The following GSE1 variants were observed in gnomAD, a reference collection of about 807,000 sequenced individuals.
GSE1 encodes Gse1 coiled-coil protein.
A neutral mutation model predicts 112.6 loss-of-function variants in GSE1; 32 were observed. That is an observed-to-expected ratio of 0.28 (90% CI 0.21 to 0.38). The LOEUF is 0.38. Among genes scored for constraint, GSE1 ranks in the 10% least tolerant of loss-of-function variants. The pLI, the probability that GSE1 is intolerant of heterozygous loss-of-function variation, is 1.00. For missense variants in GSE1, 2,348 were observed against 1,699.2 expected (o/e 1.38, Z -6.71); for synonymous variants, 1,115 against 735.6 (o/e 1.52, Z -8.35).
intron 15 of GSE1, among the ~76,000 whole-genome samples, chr16:85,671,388 C>A (rs547844378): frequency 1.4e-5 from 2 of 142,244 alleles, no homozygotes; most frequent in African/African-American, 2.7e-5. Flanking sequence ...TGCAGTGAGC[C>A]GAGATTGCGC....
intron 1 of GSE1, 40 bp from the exon 2 acceptor site, chr16:85,633,874 G>C (rs376208046): frequency 6.5e-7 from 1 of 1,538,968 alleles, no homozygotes; most frequent in Non-Finnish European, 8.9e-7. Context: ...GGGCGCTCCT[G>C]CTCTCTGGGT....
chr16:85,386,051 G>A (rs1229379457), intron 2 of GSE1, among the ~76,000 whole-genome samples: 15 of 152,240 alleles, frequency 9.9e-5, no homozygotes, highest in African/African-American at 3.6e-4. Context: ...CCGTGGCCAT[G>A]GGATAGCGGC....
chr16:85,570,224 G>A (rs957539516), intron 1 of GSE1, among the ~76,000 whole-genome samples: 8 of 152,158 alleles, frequency 5.3e-5, no homozygotes, highest in African/African-American at 1.9e-4. Flanking sequence ...CTTGGTCAGT[G>A]TCCATCTTCA....
intron 1 of GSE1, among the ~76,000 whole-genome samples, chr16:85,253,069 ACCC>A (rs56691935): frequency 1.7e-3 from 98 of 57,842 alleles, no homozygotes; most frequent in Middle Eastern, 0.013. Context: ...CCCCCCCCCC[ACCC>A]CCCCCCCCCC....
chr16:85,597,373 C>CAAAAAAAAAAAA (rs1165062872), intron 1 of GSE1, among the ~76,000 whole-genome samples: 3 of 31,846 alleles, frequency 9.4e-5, no homozygotes, highest in Non-Finnish European at 1.3e-4. Context: ...GACTCTGTCT[C>CAAAAAAAAAAAA]AAAAAAAAAA....
chr16:85,294,110 C>T (rs2045296580), intron 1 of GSE1, among the ~76,000 whole-genome samples: 2 of 152,218 alleles, frequency 1.3e-5, no homozygotes, highest in African/African-American at 4.8e-5. Context: ...TGGCTCCCCG[C>T]AACAGCCAAG....
intron 2 of GSE1, among the ~76,000 whole-genome samples, chr16:85,547,257 AC>A (rs201564935): frequency 0.012 from 1,786 of 152,362 alleles, 134 homozygotes; most frequent in Admixed American, 0.11. Flanking sequence ...GGCTGCTATA[AC>A]AAATTACTGC....
chr16:85,461,821 C>T (rs2049976806), intron 2 of GSE1, among the ~76,000 whole-genome samples: 1 of 152,170 alleles, frequency 6.6e-6, no homozygotes, highest in Admixed American at 6.5e-5. Context: ...GGCTGGGCCC[C>T]CTCCTCACCT....
intron 8 of GSE1, among the ~76,000 whole-genome samples, chr16:85,658,564 G>C (rs1020928936): frequency 3.3e-5 from 5 of 152,192 alleles, no homozygotes; most frequent in Admixed American, 1.3e-4. Flanking sequence ...GTAGGGCAGC[G>C]AGGGAATGCG....
intron 2 of GSE1, among the ~76,000 whole-genome samples, chr16:85,469,679 G>A (rs2050227019): frequency 6.6e-6 from 1 of 152,206 alleles, no homozygotes; most frequent in Non-Finnish European, 1.5e-5. Context: ...CCTGGGTCCT[G>A]CTGCTCCCTG....
At chr16:85,416,922 C>A (rs2048715960) in intron 2 of GSE1, among the ~76,000 whole-genome samples, 2 of 152,220 alleles carry the variant, frequency 1.3e-5, no homozygotes, top group African/African-American at 4.8e-5. Context: ...GTGGCACGAT[C>A]ATGGTCGCTG....
At chr16:85,613,602 G>C (rs1271783615) in intron 1 of GSE1, among the ~76,000 whole-genome samples, 4 of 151,914 alleles carry the variant, frequency 2.6e-5, no homozygotes, top group Non-Finnish European at 4.4e-5. Flanking sequence ...CGCAGCCTGG[G>C]AGGCCTGGCT....
At chr16:85,585,316 C>G (rs1249559458) in intron 1 of GSE1, among the ~76,000 whole-genome samples, 6 of 152,210 alleles carry the variant, frequency 3.9e-5, no homozygotes, top group Non-Finnish European at 8.8e-5. Flanking sequence ...TCCAGGATGG[C>G]TCCAAGCCCT....
In GSE1 at chr16:85,214,956, C is replaced by T. The variant is rs558739477; in HGVS notation, c.2283+43149C>T. On this transcript the variant is annotated intron_variant, in intron 1 of 2. Coordinates refer to the GSE1 transcript ENST00000637419. ...GTCCATTCACCCCTCCTTGCCCGGT[C>T]TTGGCCTCTGCGGGTGGCGGGTGGG... 3.3e-5 allele frequency among the ~76,000 whole-genome samples: 5 copies of T among 152,310 alleles called. No individual in the cohort carries two copies. In the South Asian group the frequency reaches 1.0e-3, roughly 32 times the overall value.
chr16:85,211,412 A>G (rs1378657767), intron 1 of GSE1, among the ~76,000 whole-genome samples: 5 of 152,148 alleles, frequency 3.3e-5, no homozygotes, highest in Non-Finnish European at 4.4e-5. Context: ...ACTCCAGCCA[A>G]GCATCACTGC....
intron 1 of GSE1, among the ~76,000 whole-genome samples, chr16:85,211,095 CCT>C (rs1307311398): frequency 6.6e-6 from 1 of 152,196 alleles, no homozygotes; most frequent in Non-Finnish European, 1.5e-5. Flanking sequence ...TTGAGTGCCT[CCT>C]GTTTGCAGAC....
At chr16:85,238,249 TCA>T (rs1904864050) in intron 1 of GSE1, among the ~76,000 whole-genome samples, 1 of 152,140 alleles carries the variant, frequency 6.6e-6, no homozygotes, top group African/African-American at 2.4e-5. Flanking sequence ...CAGCCTGCCC[TCA>T]CATCCCCAGA....
intron 1 of GSE1, among the ~76,000 whole-genome samples, chr16:85,183,155 GCA>G (rs1225020955): frequency 4.6e-5 from 7 of 151,996 alleles, no homozygotes; most frequent in South Asian, 2.1e-4. Context: ...TCATACACCT[GCA>G]CAGTCATTTG....
intron 1 of GSE1, among the ~76,000 whole-genome samples, chr16:85,559,344 G>T (rs2045402404): frequency 6.6e-6 from 1 of 152,228 alleles, no homozygotes. Flanking sequence ...GCTGGCTTCT[G>T]TCTGCCACAC....
Sources: gnomAD v4.1 joint callset for allele counts (sites outside exome capture counted in the v4.1 genomes callset) on GRCh38, gnomAD v4.1.1 for gene constraint, MANE v1.5 for transcripts, NCBI Gene and HGNC (gene_info 2026-07-23, HGNC 2026-07-21) for gene names.